Variants in ABCA12 observed in about 807,000 individuals in gnomAD.
The protein encoded by ABCA12 is ATP binding cassette subfamily A member 12.
A neutral mutation model predicts 293.5 loss-of-function variants in ABCA12; 156 were observed. The ratio of observed to expected loss-of-function variants is 0.53; its 90% CI spans 0.47 to 0.61. The LOEUF is 0.61. Among genes scored for constraint, ABCA12 ranks in the 20% least tolerant of loss-of-function variants. The pLI, the probability that ABCA12 is intolerant of heterozygous loss-of-function variation, is 0.00. For synonymous variants in ABCA12, 1,063 were observed against 1,108.0 expected (o/e 0.96, Z 0.81); for missense variants, 2,797 against 3,090.2 (o/e 0.91, Z 2.25).
intron 14 of ABCA12, among the ~76,000 whole-genome samples, chr2:215,016,557 T>C (rs1286982883): frequency 1.0e-5 from 1 of 100,428 alleles, no homozygotes; most frequent in African/African-American, 3.8e-5. Context: ...CACTCCAGCC[T>C]GGGCAACAGA....
At chr2:214,940,814 C>T (rs966592880) in intron 50 of ABCA12, among the ~76,000 whole-genome samples, 1 of 151,696 alleles carries the variant, frequency 6.6e-6, no homozygotes, top group Non-Finnish European at 1.5e-5. Context: ...CAGTGGTGAT[C>T]TCCCCTTTAT....
At chr2:215,061,880 A>C (rs991401541) in intron 3 of ABCA12, among the ~76,000 whole-genome samples, 1 of 152,052 alleles carries the variant, frequency 6.6e-6, no homozygotes, top group African/African-American at 2.4e-5. Context: ...TTGGTTGTCT[A>C]TAATATTAGA....
rs1224011868 is a variant in ABCA12, at chr2:214,978,903, T to G, written c.4878A>C (p.Lys1626Asn). 5.0e-6 allele frequency: 8 copies of G among 1,613,922 alleles called. No homozygotes were observed. The highest frequency in any genetic ancestry group is 6.8e-6 in the Non-Finnish European group (8 of 1,179,988). Residue 1626 changes from lysine to asparagine, a missense_variant, in exon 32 of 53, where the codon AAA becomes AAC. Lys to Asn is a moderately conservative substitution (Grantham distance 94). Transcript: ENST00000272895. Reference sequence around the variant, plus strand: ...GGAGTGACAGGTAGGCCCCTGAGACTTTGGTGCTGAATGGAGGAAGTACAT... The same window carrying G: ...GGAGTGACAGGTAGGCCCCTGAGACGTTGGTGCTGAATGGAGGAAGTACAT... The part of the protein sequence containing the change: ...LVYVLPPFST[K>N]VSGAYLSLLR...
At chr2:215,049,141 G>T (rs1701265700) in intron 6 of ABCA12, among the ~76,000 whole-genome samples, 1 of 152,034 alleles carries the variant, frequency 6.6e-6, no homozygotes, top group African/African-American at 2.4e-5. Context: ...TGCAATATGT[G>T]CCCCTGAACC....
chr2:215,132,926 G>T (rs1406892884), intron 1 of ABCA12, among the ~76,000 whole-genome samples: 1 of 151,900 alleles, frequency 6.6e-6, no homozygotes, highest in East Asian at 1.9e-4. Flanking sequence ...GGCTAATAAT[G>T]ACAAATTCTC....
At chr2:215,083,224 T>C (rs539026539) in intron 2 of ABCA12, among the ~76,000 whole-genome samples, 3 of 152,346 alleles carry the variant, frequency 2.0e-5, no homozygotes, top group South Asian at 4.1e-4. Context: ...GACATATCTA[T>C]AGAAATTACT....
intron 47 of ABCA12, 65 bp from the exon 48 acceptor site, chr2:214,947,621 GAAAA>G: frequency 7.2e-7 from 1 of 1,382,722 alleles, no homozygotes; most frequent in Non-Finnish European, 9.7e-7. Context: ...GCACTAAATG[GAAAA>G]AAAAAAGATG....
rs768044586 is a variant in ABCA12 at position 215,089,417 on chromosome 2, A to G, written c.163+22180T>C. Among the ~76,000 whole-genome samples the G allele has an allele frequency of 2.6e-5, 4 of 152,182 alleles. 1 individual carries two copies. The highest frequency in any genetic ancestry group is 5.9e-5 in the Non-Finnish European group (4 of 68,032). ...GATATAATAATAAAACAAGAGCTAC[A>G]TTTTACTAATTAGCGCACAGGCCAA... On this transcript the variant is annotated intron_variant, in intron 2 of 52. Coordinates refer to ENST00000272895, the MANE Select transcript of ABCA12 (RefSeq NM_173076.3).
Position 215,001,550 on chromosome 2 carries a change from GCACTT to G in ABCA12, c.2863+3_2863+7del. 1 of 1,613,498 alleles carries G rather than the reference GCACTT, an allele frequency of 6.2e-7. No individual in the cohort carries two copies. The highest frequency in any genetic ancestry group is 8.5e-7 in the Non-Finnish European group (1 of 1,179,616). ...GAGATGCTCAAACCCTAATAGAACA[GCACTT>G]ACTTCCAAAGAGTTCGTTGCTTTTG... On this transcript the variant is annotated splice_donor_5th_base_variant and intron_variant, in intron 21 of 52. Transcript: ENST00000272895.
At chr2:215,043,257 T>C (rs1701137403) in intron 7 of ABCA12, among the ~76,000 whole-genome samples, 2 of 152,214 alleles carry the variant, frequency 1.3e-5, no homozygotes. Context: ...CCATTTTAAA[T>C]TGCATTATTT....
chr2:215,074,682 G>A (rs61054264), intron 2 of ABCA12, among the ~76,000 whole-genome samples: 5,434 of 152,134 alleles, frequency 0.036, 313 homozygotes, highest in African/African-American at 0.12. Flanking sequence ...GGAGGCTCAC[G>A]CCTGTAATCC....
At chr2:215,088,699 A>G (rs545959471) in intron 2 of ABCA12, among the ~76,000 whole-genome samples, 66 of 152,280 alleles carry the variant, frequency 4.3e-4, no homozygotes, top group African/African-American at 1.2e-3. Flanking sequence ...TAGAATTTTA[A>G]TAAATGGGAA....
intron 2 of ABCA12, among the ~76,000 whole-genome samples, chr2:215,072,301 A>G (rs183805956): frequency 3.9e-5 from 6 of 152,196 alleles, no homozygotes; most frequent in South Asian, 2.1e-4. Context: ...AAGTGTCCCT[A>G]TGGATAGGAC....
At position 214,978,798 on chromosome 2, in the gene ABCA12, G is replaced by A. The variant is rs559998192; in HGVS notation, c.4977+6C>T. On this transcript the variant is annotated splice_donor_region_variant and intron_variant, in intron 32 of 52. Transcript: ENST00000272895. ...TTGAAGAAAAAAAAGAAATATTGAG[G>A]TATACCTCCTCCACGGTGGTATCTG... 243 of 1,609,542 alleles carry A rather than the reference G, an allele frequency of 1.5e-4. No homozygotes were observed. The South Asian group carries it at 2.6e-3, about 17-fold the overall frequency.
rs562226010 is a variant in ABCA12 at position 215,048,409 on chromosome 2, G to GA, written c.693+1216dup. Among the ~76,000 whole-genome samples, 45 of 141,420 alleles carry GA rather than the reference G, an allele frequency of 3.2e-4. No individual in the cohort carries two copies. In the Middle Eastern group the frequency reaches 0.014, roughly 44 times the overall value. 92.8% of individuals were successfully genotyped at this position (141,420 alleles called of 152,430 possible). A position where few individuals can be genotyped will look rare whatever the true frequency, so the allele number is the denominator to read the frequency against. On this transcript the variant is annotated intron_variant, in intron 6 of 52. Transcript: ENST00000272895. Reference sequence around the variant, plus strand: ...CTAGTCACAAAATAACAAAGACACAGAATCAGCCGGTGCAGTGGCTCACGT... The same window carrying GA: ...CTAGTCACAAAATAACAAAGACACAGAAATCAGCCGGTGCAGTGGCTCACGT...
At chr2:215,106,198 C>G (rs1488780034) in intron 2 of ABCA12, among the ~76,000 whole-genome samples, 2 of 152,208 alleles carry the variant, frequency 1.3e-5, no homozygotes, top group African/African-American at 2.4e-5. Flanking sequence ...AACATTAAGA[C>G]TGTACAATAG....
In ABCA12 at chr2:215,064,222, A is replaced by G. The variant is rs1701593959; in HGVS notation, c.164-3T>C. ...AAGGTTTCGAGGTGCGAGGTAACCT[A>G]AAATTAAAAAAACAGTCATTACATC... On this transcript the variant is annotated splice_polypyrimidine_tract_variant and splice_region_variant and intron_variant, in intron 2 of 52. Transcript: ENST00000272895. 1.9e-6 allele frequency: 3 copies of G among 1,612,004 alleles called. No homozygotes were observed. The highest frequency in any genetic ancestry group is 2.7e-5 in the African/African-American group (2 of 74,776).
chr2:215,068,600 C>A (rs1701678572), intron 2 of ABCA12, among the ~76,000 whole-genome samples: 1 of 152,078 alleles, frequency 6.6e-6, no homozygotes, highest in African/African-American at 2.4e-5. Flanking sequence ...TTTCCTCTTC[C>A]CTCATTGCAT....
chr2:215,093,525 C>T (rs1359919126), intron 2 of ABCA12, among the ~76,000 whole-genome samples: 3 of 152,200 alleles, frequency 2.0e-5, no homozygotes, highest in Non-Finnish European at 2.9e-5. Context: ...AGAATTCTTA[C>T]ACAAGAACCA....
Sources: gnomAD v4.1 joint callset for allele counts (sites outside exome capture counted in the v4.1 genomes callset) on GRCh38, gnomAD v4.1.1 for gene constraint, MANE v1.5 for transcripts, NCBI Gene and HGNC (gene_info 2026-07-23, HGNC 2026-07-21) for gene names.